Variants in OSBP observed in about 807,000 individuals in gnomAD.
OSBP encodes the protein oxysterol binding protein.
A neutral mutation model predicts 96.6 loss-of-function variants in OSBP; 32 were observed. That is an observed-to-expected ratio of 0.33 (90% CI 0.25 to 0.45). The LOEUF is 0.45. Ranked by LOEUF, OSBP falls within the 20% of genes least tolerant of loss-of-function variation. The probability of loss-of-function intolerance (pLI) is 1.00; values close to 1 mark genes in which losing one functional copy is unlikely to be tolerated. For missense variants in OSBP, 653 were observed against 1,029.7 expected, an observed-to-expected ratio of 0.63 and a Z score of 5.01; for synonymous variants, 369 against 389.6, an observed-to-expected ratio of 0.95 and a Z score of 0.62.
chr11:59,587,748 G>A (rs750077999), intron 9 of OSBP, among the ~76,000 whole-genome samples: 1 of 152,188 alleles, frequency 6.6e-6, no homozygotes, highest in African/African-American at 2.4e-5. Flanking sequence ...AACCATTGTC[G>A]AAGACAGTAT....
At chr11:59,611,000 G>C (rs916070110) in intron 1 of OSBP, among the ~76,000 whole-genome samples, 2 of 151,630 alleles carry the variant, frequency 1.3e-5, no homozygotes, top group African/African-American at 2.4e-5. Flanking sequence ...CCAGGCGTGC[G>C]GGTGTGTGCC....
chr11:59,607,692 A>G (rs1405874461), intron 3 of OSBP, among the ~76,000 whole-genome samples: 1 of 152,210 alleles, frequency 6.6e-6, no homozygotes, highest in Non-Finnish European at 1.5e-5. Context: ...GAATCAGTAG[A>G]GGAAAAGCAG....
rs530386547 is a variant in OSBP, at chr11:59,593,257, C to A, written c.1678+347G>T. On this transcript the variant is annotated intron_variant, in intron 9 of 13. Transcript: ENST00000263847. ...CCTTGCAATCATGAGTTCTGATTTA[C>A]AGAGAGAACCTGACTGCCAAAGTAA... Among the ~76,000 whole-genome samples the A allele has an allele frequency of 1.3e-4, 20 of 152,100 alleles. No homozygotes were observed. The South Asian group carries it at 4.2e-3, about 32-fold the overall frequency.
intron 9 of OSBP, among the ~76,000 whole-genome samples, chr11:59,586,287 G>C (rs911733603): frequency 6.6e-6 from 1 of 151,282 alleles, no homozygotes; most frequent in Non-Finnish European, 1.5e-5. Flanking sequence ...CATTAACAAT[G>C]AATAATCTGG....
chr11:59,604,561 G>C (rs1217379500), intron 3 of OSBP, among the ~76,000 whole-genome samples: 1 of 152,006 alleles, frequency 6.6e-6, no homozygotes, highest in Non-Finnish European at 1.5e-5. Flanking sequence ...AATTAGCCAG[G>C]CATGGTGATG....
rs1032317650 is a variant in OSBP, at chr11:59,574,398, T to C, written c.*2179A>G. On this transcript the variant is annotated 3_prime_UTR_variant, in exon 14 of 14. Coordinates refer to ENST00000263847, the MANE Select transcript of OSBP (RefSeq NM_002556.3). The stretch of plus-strand genomic sequence containing the variant: ...GCAGAAGTGAATCAGACAAACAATA[T>C]GACTTTTAAAAAATTATTTAATTTA... 4 of 151,934 alleles carry C rather than the reference T, an allele frequency of 2.6e-5. No homozygotes were observed. Among genetic ancestry groups the C allele is most frequent in the South Asian group, 2.1e-4 (1 of 4,824 alleles). 9.4% of individuals were successfully genotyped at this position (151,934 alleles called of 1,614,324 possible).
rs761057427 is a variant in OSBP, at chr11:59,593,663, C to T, written c.1619G>A (p.Arg540His). 1.5e-5 allele frequency: 25 copies of T among 1,613,846 alleles called. No individual in the cohort carries two copies. The East Asian group carries it at 2.0e-4, about 13-fold the overall frequency. ...HAESKNGWTL[R>H]QEIKITSKFR... The stretch of plus-strand genomic sequence containing the variant: ...CTTGCTGGTGATTTTGATTTCCTGA[C>T]GCAATGTCCAGCCATTTTTGGACTC... The change falls in exon 9 of 14, where the codon CGT becomes CAT. Residue 540 changes from arginine to histidine, a missense_variant. Coordinates refer to ENST00000263847, the MANE Select transcript of OSBP (RefSeq NM_002556.3).
chr11:59,585,311 G>A (rs936385730), intron 9 of OSBP, among the ~76,000 whole-genome samples: 2 of 150,542 alleles, frequency 1.3e-5, no homozygotes, highest in African/African-American at 4.9e-5. Context: ...TGAGAGGAGC[G>A]CCTCTGCCCG....
chr11:59,610,308 T>C lies in OSBP; in HGVS notation c.571+73A>G, dbSNP rs984159607. On this transcript the variant is annotated intron_variant, in intron 2 of 13. Coordinates refer to ENST00000263847, the MANE Select transcript of OSBP (RefSeq NM_002556.3). ...GTGATAATCAAATGACACAGCATAA[T>C]GATGACAAACAAAATCTGTGCATAA... 6.2e-5 allele frequency: 79 copies of C among 1,266,660 alleles called. 1 individual carries two copies. In the Middle Eastern group the frequency reaches 7.9e-4, roughly 13 times the overall value. 78.5% of individuals were successfully genotyped at this position (1,266,660 alleles called of 1,614,324 possible). A position where few individuals can be genotyped will look rare whatever the true frequency, so the allele number is the denominator to read the frequency against.
rs1204984751 is a variant in OSBP at position 59,601,845 on chromosome 11, G to A, written c.823-7C>T. 6.2e-7 allele frequency: 1 copy of A among 1,613,228 alleles called. No homozygotes were observed. Among genetic ancestry groups the A allele is most frequent in the Non-Finnish European group, 8.5e-7 (1 of 1,179,410 alleles). On this transcript the variant is annotated splice_region_variant and splice_polypyrimidine_tract_variant and intron_variant, in intron 3 of 13. Transcript: ENST00000263847. The stretch of plus-strand genomic sequence containing the variant: ...TGAGGAAATCTCTGCAGGCCTGTAT[G>A]GAGAAAGCGTTGACTGTGTCAGCTC...
chr11:59,578,578 T>C (rs889863568), intron 11 of OSBP, among the ~76,000 whole-genome samples: 6 of 152,168 alleles, frequency 3.9e-5, no homozygotes, highest in African/African-American at 1.2e-4. Context: ...GCTACTTGAG[T>C]AGCTAGAACT....
chr11:59,580,378 G>A, intron 10 of OSBP, 109 bp from the exon 11 acceptor site: 2 of 734,150 alleles, frequency 2.7e-6, no homozygotes, highest in Non-Finnish European at 4.7e-6. Context: ...GTAATCCCTT[G>A]TTTAAGATTC....
rs1285781618 is a variant in OSBP at position 59,600,529 on chromosome 11, G to A, written c.1278C>T (p.Cys426=). The A allele has an allele frequency of 6.2e-7, 1 of 1,613,996 alleles. No homozygotes were observed. Residue 426 remains cysteine (C), a synonymous_variant, in exon 7 of 14, where the codon TGC becomes TGT. Coordinates refer to ENST00000263847, the MANE Select transcript of OSBP (RefSeq NM_002556.3). Reference sequence around the variant, plus strand: ...GGATCTTAGAGAGTTCTTTTCCAATGCAGTTCTTCATGATGCTCCATAAAT... The same window carrying A: ...GGATCTTAGAGAGTTCTTTTCCAATACAGTTCTTCATGATGCTCCATAAAT... ...SLNLWSIMKN[C]IGKELSKIPM...
At chr11:59,597,265 G>A (rs1484415013) in intron 7 of OSBP, among the ~76,000 whole-genome samples, 2 of 151,914 alleles carry the variant, frequency 1.3e-5, no homozygotes, top group South Asian at 2.1e-4. Context: ...GGCTGGTCTC[G>A]AACTCCTGAC....
At chr11:59,591,258 C>CTA (rs1860576985) in intron 9 of OSBP, among the ~76,000 whole-genome samples, 1 of 152,314 alleles carries the variant, frequency 6.6e-6, no homozygotes, top group South Asian at 2.1e-4. Flanking sequence ...GATCCACCAT[C>CTA]TATACCATGT....
intron 3 of OSBP, 40 bp from the exon 4 acceptor site, chr11:59,601,878 C>CA: frequency 1.3e-6 from 2 of 1,582,240 alleles, no homozygotes; most frequent in South Asian, 1.1e-5. Flanking sequence ...CTCAACTAGT[C>CA]AGAGTTTCCC....
At chr11:59,612,725 T>G (rs1313202258) in intron 1 of OSBP, among the ~76,000 whole-genome samples, 2 of 152,118 alleles carry the variant, frequency 1.3e-5, no homozygotes, top group African/African-American at 4.8e-5. Flanking sequence ...CAATATTAGG[T>G]GGTATTTTCT....
Position 59,588,784 on chromosome 11 carries a change from T to C in OSBP, c.1678+4820A>G, listed in dbSNP as rs866864988. On this transcript the variant is annotated intron_variant, in intron 9 of 13. Coordinates refer to ENST00000263847, the MANE Select transcript of OSBP (RefSeq NM_002556.3). ...ACTCTGGGAGGCCGAAGCAGGTGGA[T>C]CACTTGAAGTGAGTAGTTCAAGACC... 3.1e-4 allele frequency among the ~76,000 whole-genome samples: 47 copies of C among 152,180 alleles called. No individual in the cohort carries two copies. In the Middle Eastern group the frequency reaches 0.017, roughly 55 times the overall value.
chr11:59,586,789 A>T (rs548891612), intron 9 of OSBP, among the ~76,000 whole-genome samples: 2 of 152,346 alleles, frequency 1.3e-5, no homozygotes, highest in South Asian at 4.1e-4. Flanking sequence ...CTCAATGGGG[A>T]CAGGACAGTC....
Sources: allele counts gnomAD v4.1 joint callset (sites outside exome capture counted in the v4.1 genomes callset), GRCh38; gene constraint gnomAD v4.1.1; transcripts MANE v1.5; gene names NCBI Gene and HGNC (gene_info 2026-07-23, HGNC 2026-07-21).